The following TMEM132D variants were observed in gnomAD, a reference collection of about 807,000 sequenced individuals.
The protein encoded by TMEM132D is mature OL transmembrane protein.
A neutral mutation model predicts 62.3 loss-of-function variants in TMEM132D; 21 were observed. The observed-to-expected ratio is 0.34, with a 90% CI of 0.24 to 0.49. The LOEUF (loss-of-function observed/expected upper bound fraction) is 0.49, where lower values mean the gene tolerates loss of function less well. TMEM132D is among the 20% of genes least tolerant of loss of function. The pLI is 0.99. For synonymous variants in TMEM132D, 621 were observed against 575.6 expected (o/e 1.08, Z -1.13); for missense variants, 1,346 against 1,402.8 (o/e 0.96, Z 0.65).
chr12:129,584,840 G>A lies in TMEM132D; in HGVS notation c.969-53635C>T, dbSNP rs193108550. Among the ~76,000 whole-genome samples, 27 of 152,242 alleles carry A rather than the reference G, an allele frequency of 1.8e-4. No individual in the cohort carries two copies. The East Asian group carries it at 3.1e-3, about 17-fold the overall frequency. ...GAAATTACCGATGGAAAGAAAGAAC[G>A]GCTCCACATGTGTTCATATGCTAGC... On this transcript the variant is annotated intron_variant, in intron 2 of 8. Coordinates refer to ENST00000422113, the MANE Select transcript of TMEM132D (RefSeq NM_133448.3).
At chr12:129,142,340 C>T (rs1390013383) in intron 5 of TMEM132D, among the ~76,000 whole-genome samples, 1 of 152,020 alleles carries the variant, frequency 6.6e-6, no homozygotes, top group Non-Finnish European at 1.5e-5. Context: ...ATCATATCCC[C>T]CAAAGAAATA....
intron 1 of TMEM132D, among the ~76,000 whole-genome samples, chr12:129,802,920 C>A (rs1871846189): frequency 6.6e-6 from 1 of 150,968 alleles, no homozygotes; most frequent in African/African-American, 2.4e-5. Context: ...TTTAAACCAA[C>A]AAAGATCAAA....
At chr12:129,644,846 CGTCGT>C (rs1238046915) in intron 2 of TMEM132D, among the ~76,000 whole-genome samples, 14 of 149,814 alleles carry the variant, frequency 9.3e-5, no homozygotes, top group South Asian at 4.2e-4. Flanking sequence ...AATAGCCCAG[CGTCGT>C]GGCGGGTGCC....
At chr12:129,289,507 G>C (rs948465343) in intron 4 of TMEM132D, among the ~76,000 whole-genome samples, 18 of 143,274 alleles carry the variant, frequency 1.3e-4, no homozygotes, top group African/African-American at 4.5e-4. Context: ...TGGTGCCATT[G>C]CACTCCAGCC....
intron 2 of TMEM132D, among the ~76,000 whole-genome samples, chr12:129,638,522 AATAT>A (rs869059137): frequency 4.4e-5 from 1 of 22,820 alleles, no homozygotes; most frequent in Non-Finnish European, 1.0e-4. Context: ...AATATATATA[AATAT>A]ATAAACATAT....
intron 2 of TMEM132D, among the ~76,000 whole-genome samples, chr12:129,585,512 G>A (rs572549172): frequency 5.9e-5 from 9 of 152,326 alleles, no homozygotes; most frequent in African/African-American, 2.4e-5. Context: ...GTTATTAACC[G>A]TAACTGAGGC....
chr12:129,507,981 G>A (rs1428885455), intron 3 of TMEM132D, among the ~76,000 whole-genome samples: 2 of 152,096 alleles, frequency 1.3e-5, no homozygotes, highest in African/African-American at 2.4e-5. Flanking sequence ...ATGGCCTGCA[G>A]ACTATCCTTC....
chr12:129,407,961 C>G (rs935746026), intron 3 of TMEM132D, among the ~76,000 whole-genome samples: 1 of 151,892 alleles, frequency 6.6e-6, no homozygotes, highest in Non-Finnish European at 1.5e-5. Context: ...CTGGAAAAGA[C>G]TGGAGAGCTT....
At chr12:129,708,620 A>AAC (rs1295667097) in intron 1 of TMEM132D, among the ~76,000 whole-genome samples, 21 of 91,122 alleles carry the variant, frequency 2.3e-4, no homozygotes, top group East Asian at 8.0e-4. Context: ...TAAAAAAAAA[A>AAC]AAAAAAAAAA....
intron 2 of TMEM132D, among the ~76,000 whole-genome samples, chr12:129,535,773 TGTGCGTGTG>T (rs1566102027): frequency 0.025 from 2,212 of 86,970 alleles, 58 homozygotes; most frequent in African/African-American, 0.13. Flanking sequence ...TTAAGATTTG[TGTGCGTGTG>T]TGTGTGTGTG....
intron 5 of TMEM132D, among the ~76,000 whole-genome samples, chr12:129,121,587 C>T (rs1429138345): frequency 6.6e-6 from 1 of 152,062 alleles, no homozygotes; most frequent in Non-Finnish European, 1.5e-5. Flanking sequence ...GAGAATGGGG[C>T]CCCCGAGCCC....
chr12:129,516,472 A>G (rs1963542), intron 3 of TMEM132D, among the ~76,000 whole-genome samples: 32,554 of 152,148 alleles, frequency 0.21, 3,794 homozygotes, highest in East Asian at 0.5. Flanking sequence ...TGAAAGGCAC[A>G]TCTTACATGG....
chr12:129,593,153 G>C (rs1021175095), intron 2 of TMEM132D, among the ~76,000 whole-genome samples: 1 of 152,134 alleles, frequency 6.6e-6, no homozygotes, highest in African/African-American at 2.4e-5. Context: ...TTAGAAACAA[G>C]GGTATGTAAA....
chr12:129,109,173 G>A (rs918184381), intron 5 of TMEM132D, among the ~76,000 whole-genome samples: 4 of 152,306 alleles, frequency 2.6e-5, no homozygotes, highest in East Asian at 1.9e-4. Flanking sequence ...GAGCTTCTGC[G>A]GGAGGAAGAG....
intron 5 of TMEM132D, among the ~76,000 whole-genome samples, chr12:129,178,448 T>G (rs1222799023): frequency 1.6e-4 from 24 of 149,936 alleles, no homozygotes; most frequent in South Asian, 4.3e-4. Flanking sequence ...TTTTTTTTTT[T>G]TGTGACTTTT....
At chr12:129,693,001 T>C in intron 2 of TMEM132D, among the ~76,000 whole-genome samples, 1 of 152,182 alleles carries the variant, frequency 6.6e-6, no homozygotes, top group East Asian at 1.9e-4. Context: ...TAACAATATA[T>C]AATTTAAAAA....
At chr12:129,200,143 G>T (rs559238263) in intron 5 of TMEM132D, among the ~76,000 whole-genome samples, 11 of 152,168 alleles carry the variant, frequency 7.2e-5, no homozygotes, top group Admixed American at 7.2e-4. Context: ...AATGGAGGGG[G>T]GACCAAGAGG....
intron 8 of TMEM132D, 33 bp from the exon 9 acceptor site, chr12:129,075,092 G>T (rs942896877): frequency 6.4e-7 from 1 of 1,558,630 alleles, no homozygotes. Flanking sequence ...TAATCAAATG[G>T]GCCAAAAAGC....
intron 2 of TMEM132D, among the ~76,000 whole-genome samples, chr12:129,636,919 T>C (rs578194141): frequency 4.6e-5 from 7 of 152,230 alleles, no homozygotes; most frequent in African/African-American, 1.7e-4. Context: ...CAACCTGAAT[T>C]TGTAGCATAC....
Sources: allele counts gnomAD v4.1 joint callset (sites outside exome capture counted in the v4.1 genomes callset), GRCh38; gene constraint gnomAD v4.1.1; transcripts MANE v1.5; gene names NCBI Gene and HGNC (gene_info 2026-07-23, HGNC 2026-07-21).